GRIK2: variants seen among roughly 807,000 people sequenced by gnomAD.
GRIK2 encodes the protein glutamate receptor ionotropic, kainate 2.
GRIK2 carries 32 observed loss-of-function variants against 100.3 expected under a neutral mutation model. That is an observed-to-expected ratio of 0.32 (90% CI 0.24 to 0.43). The LOEUF is 0.43. Ranked by LOEUF, GRIK2 falls within the 20% of genes least tolerant of loss-of-function variation. GRIK2 has a pLI of 1.00. For missense variants in GRIK2, 843 were observed against 1,114.9 expected, an observed-to-expected ratio of 0.76 and a Z score of 3.47; for synonymous variants, 417 against 389.4, an observed-to-expected ratio of 1.07 and a Z score of -0.83.
At chr6:101,409,797 G>A (rs992576812) in intron 2 of GRIK2, among the ~76,000 whole-genome samples, 1 of 151,338 alleles carries the variant, frequency 6.6e-6, no homozygotes, top group Non-Finnish European at 1.5e-5. Flanking sequence ...GCCTTTTAGA[G>A]TTGAAAAAAA....
chr6:101,583,952 T>C lies in GRIK2; in HGVS notation c.116-37997T>C, dbSNP rs539486646. Among the ~76,000 whole-genome samples, 317 of 152,236 alleles carry C rather than the reference T, an allele frequency of 2.1e-3. 1 individual carries two copies. Among genetic ancestry groups the C allele is most frequent in the African/African-American group, 7.3e-3 (305 of 41,556 alleles). On this transcript the variant is annotated intron_variant, in intron 2 of 16. Transcript: ENST00000369134. ...AGCTTTTTTAATATGGCAGATTTTA[T>C]ATGATATATATGTATATAACTAGAT...
intron 2 of GRIK2, among the ~76,000 whole-genome samples, chr6:101,515,897 C>T (rs1288987940): frequency 6.6e-6 from 1 of 152,096 alleles, no homozygotes; most frequent in Non-Finnish European, 1.5e-5. Flanking sequence ...GTTCCTTTTG[C>T]CATGCAAAAG....
At chr6:101,869,069 G>A (rs559459841) in intron 11 of GRIK2, among the ~76,000 whole-genome samples, 6 of 151,932 alleles carry the variant, frequency 3.9e-5, no homozygotes, top group Non-Finnish European at 7.4e-5. Context: ...AAAAATGACA[G>A]ATGCTTTTTC....
chr6:101,594,533 A>G (rs1778817878), intron 2 of GRIK2, among the ~76,000 whole-genome samples: 1 of 151,862 alleles, frequency 6.6e-6, no homozygotes, highest in Non-Finnish European at 1.5e-5. Flanking sequence ...TTTGAGAAAA[A>G]GTTGTATTTT....
At chr6:101,786,909 AAGTT>A (rs1239434911) in intron 7 of GRIK2, among the ~76,000 whole-genome samples, 7 of 151,986 alleles carry the variant, frequency 4.6e-5, no homozygotes, top group African/African-American at 1.7e-4. Flanking sequence ...TATTTTTTAA[AAGTT>A]AGGTAGAATA....
chr6:101,759,420 ACAG>A (rs1424377402), intron 7 of GRIK2, among the ~76,000 whole-genome samples: 2 of 152,190 alleles, frequency 1.3e-5, no homozygotes, highest in African/African-American at 2.4e-5. Context: ...GCATAACAAA[ACAG>A]CAGCAACTAT....
At chr6:101,451,139 C>A (rs191941920) in intron 2 of GRIK2, among the ~76,000 whole-genome samples, 17 of 151,848 alleles carry the variant, frequency 1.1e-4, no homozygotes, top group Admixed American at 1.1e-3. Context: ...TTCTCAAACT[C>A]CTTATCCTGC....
intron 14 of GRIK2, among the ~76,000 whole-genome samples, chr6:102,003,467 C>T (rs938110314): frequency 6.6e-6 from 1 of 151,706 alleles, no homozygotes; most frequent in Non-Finnish European, 1.5e-5. Context: ...TTGTAATAAA[C>T]ATACTACAAT....
At chr6:101,718,556 A>T (rs1774226403) in intron 7 of GRIK2, among the ~76,000 whole-genome samples, 1 of 151,972 alleles carries the variant, frequency 6.6e-6, no homozygotes, top group Admixed American at 6.6e-5. Context: ...AGATTAAAAG[A>T]TTATAAATTC....
At chr6:101,493,446 G>C (rs145662980) in intron 2 of GRIK2, among the ~76,000 whole-genome samples, 360 of 152,154 alleles carry the variant, frequency 2.4e-3, no homozygotes, top group Middle Eastern at 6.8e-3. Context: ...CCAGAAGTTA[G>C]TAAAATGATA....
chr6:101,789,925 C>T (rs2128407088), intron 7 of GRIK2, among the ~76,000 whole-genome samples: 1 of 152,190 alleles, frequency 6.6e-6, no homozygotes, highest in East Asian at 1.9e-4. Flanking sequence ...CCTTCACGTC[C>T]CTTGTAAGTT....
chr6:101,563,268 AATG>A (rs2128296350), intron 2 of GRIK2, among the ~76,000 whole-genome samples: 1 of 152,332 alleles, frequency 6.6e-6, no homozygotes, highest in Admixed American at 6.5e-5. Context: ...AGTATCTTAT[AATG>A]ATAAATTATT....
At chr6:101,822,741 A>T (rs566822472) in intron 10 of GRIK2, among the ~76,000 whole-genome samples, 118 of 151,882 alleles carry the variant, frequency 7.8e-4, no homozygotes, top group Non-Finnish European at 6.9e-4. Context: ...TTATATATAT[A>T]TTTTTTCTTT....
chr6:101,486,395 G>GT (rs947354836), intron 2 of GRIK2, among the ~76,000 whole-genome samples: 1 of 137,670 alleles, frequency 7.3e-6, no homozygotes, highest in Admixed American at 7.3e-5. Flanking sequence ...GTGGGGCGGG[G>GT]GGGGGAAGCT....
intron 4 of GRIK2, among the ~76,000 whole-genome samples, chr6:101,637,572 G>A (rs1160662691): frequency 1.3e-5 from 2 of 152,092 alleles, no homozygotes; most frequent in South Asian, 2.1e-4. Flanking sequence ...CTGAAACAAC[G>A]CCCTGCCTGC....
intron 2 of GRIK2, among the ~76,000 whole-genome samples, chr6:101,609,365 A>T (rs1026946384): frequency 1.3e-5 from 2 of 151,892 alleles, no homozygotes; most frequent in Non-Finnish European, 2.9e-5. Context: ...AAGAGTAAGA[A>T]TTTTTAAAAT....
rs1562480881 is a variant in GRIK2, at chr6:101,909,375, T to TGG, written c.1749-15226_1749-15225insGG. On this transcript the variant is annotated intron_variant, in intron 12 of 16. Coordinates refer to ENST00000369134, the MANE Select transcript of GRIK2 (RefSeq NM_021956.5). ...TGGATGCTGAAGGAAGATAGGGTTT[T>TGG]CTTTTTCTTTTTTTTTTTTTTAAAG... 3.4e-5 allele frequency among the ~76,000 whole-genome samples: 4 copies of TGG among 117,916 alleles called. No individual in the cohort carries two copies. In the Admixed American group the frequency reaches 3.7e-4, roughly 11 times the overall value. 77.4% of individuals were successfully genotyped at this position (117,916 alleles called of 152,430 possible).
intron 2 of GRIK2, among the ~76,000 whole-genome samples, chr6:101,403,063 G>T (rs1775412407): frequency 1.3e-5 from 2 of 152,166 alleles, no homozygotes; most frequent in South Asian, 4.1e-4. Context: ...AGCCAGCTCC[G>T]GCTGTGTGCC....
chr6:101,971,428 T>A (rs1290955216), intron 14 of GRIK2, among the ~76,000 whole-genome samples: 1 of 151,992 alleles, frequency 6.6e-6, no homozygotes, highest in Non-Finnish European at 1.5e-5. Flanking sequence ...GTACTCCCAG[T>A]GGGAGATGAT....
Sources: allele counts gnomAD v4.1 joint callset (sites outside exome capture counted in the v4.1 genomes callset), GRCh38; gene constraint gnomAD v4.1.1; transcripts MANE v1.5; gene names NCBI Gene and HGNC (gene_info 2026-07-23, HGNC 2026-07-21).